Variants in DLG1 observed in about 807,000 individuals in gnomAD.
The protein encoded by DLG1 is disks large homolog 1.
In DLG1, 42 loss-of-function variants were observed where a neutral mutation model predicts 123.4. The ratio of observed to expected loss-of-function variants is 0.34; its 90% CI spans 0.27 to 0.44. The LOEUF (loss-of-function observed/expected upper bound fraction) is 0.44. DLG1 is among the 20% of genes least tolerant of loss of function. The pLI is 1.00. For synonymous variants in DLG1, 317 were observed against 356.2 expected, an observed-to-expected ratio of 0.89 and a Z score of 1.24; for missense variants, 942 against 1,082.6, an observed-to-expected ratio of 0.87 and a Z score of 1.82.
At chr3:197,255,606 T>C (rs1380002765) in intron 4 of DLG1, among the ~76,000 whole-genome samples, 3 of 151,986 alleles carry the variant, frequency 2.0e-5, no homozygotes, top group South Asian at 2.1e-4. Flanking sequence ...AACCAAAAAG[T>C]AGAAACAATT....
intron 24 of DLG1, among the ~76,000 whole-genome samples, chr3:197,045,671 G>C (rs1355272082): frequency 6.6e-6 from 1 of 152,132 alleles, no homozygotes; most frequent in Non-Finnish European, 1.5e-5. Flanking sequence ...TTGAGCCCAG[G>C]AGTTCACAAC....
chr3:197,150,287 C>T (rs1272425316), intron 5 of DLG1, among the ~76,000 whole-genome samples: 1 of 151,960 alleles, frequency 6.6e-6, no homozygotes, highest in Admixed American at 6.6e-5. Context: ...AAAACACACT[C>T]TTAATGTAAA....
intron 14 of DLG1, among the ~76,000 whole-genome samples, chr3:197,093,073 G>A (rs1254009548): frequency 2.6e-5 from 4 of 151,702 alleles, no homozygotes; most frequent in South Asian, 4.2e-4. Context: ...CCACAAACAC[G>A]CAAATACATT....
At chr3:197,139,242 T>C in intron 8 of DLG1, among the ~76,000 whole-genome samples, 1 of 152,248 alleles carries the variant, frequency 6.6e-6, no homozygotes, top group East Asian at 1.9e-4. Flanking sequence ...CAAAACATAA[T>C]TAAAATATTA....
chr3:197,054,500 C>A (rs1454326002), intron 23 of DLG1, among the ~76,000 whole-genome samples: 1 of 152,180 alleles, frequency 6.6e-6, no homozygotes, highest in Non-Finnish European at 1.5e-5. Flanking sequence ...ATTCTTTCTT[C>A]TGTCTGCTCA....
chr3:197,212,781 C>CT (rs368195370), intron 4 of DLG1, among the ~76,000 whole-genome samples: 1 of 152,184 alleles, frequency 6.6e-6, no homozygotes, highest in African/African-American at 2.4e-5. Flanking sequence ...TCCAACATAT[C>CT]TTTTTTTGTG....
intron 23 of DLG1, among the ~76,000 whole-genome samples, chr3:197,059,643 C>T (rs2148819370): frequency 6.6e-6 from 1 of 152,288 alleles, no homozygotes; most frequent in Non-Finnish European, 1.5e-5. Flanking sequence ...CCACTAGTCA[C>T]ACGTGGGGCT....
At chr3:197,237,264 A>G (rs1322268147) in intron 4 of DLG1, among the ~76,000 whole-genome samples, 1 of 152,224 alleles carries the variant, frequency 6.6e-6, no homozygotes, top group Non-Finnish European at 1.5e-5. Context: ...ACTAGCTAGG[A>G]ATGTAGAACC....
At chr3:197,213,789 A>C (rs1250249940) in intron 4 of DLG1, among the ~76,000 whole-genome samples, 1 of 152,234 alleles carries the variant, frequency 6.6e-6, no homozygotes, top group African/African-American at 2.4e-5. Flanking sequence ...CCAAGAAAAT[A>C]ATCTATAATA....
At chr3:197,065,490 A>C (rs764936208) in intron 21 of DLG1, 42 bp from the exon 22 acceptor site, 79 of 1,481,858 alleles carry the variant, frequency 5.3e-5, no homozygotes, top group Non-Finnish European at 6.8e-5. Context: ...AATATTAAAA[A>C]AAAAACCACA....
At chr3:197,187,721 T>C (rs1376660303) in intron 5 of DLG1, among the ~76,000 whole-genome samples, 1 of 152,208 alleles carries the variant, frequency 6.6e-6, no homozygotes, top group Non-Finnish European at 1.5e-5. Context: ...CTGAGGTTTT[T>C]ATTTGTTCGA....
At chr3:197,061,275 T>C (rs1735591009) in intron 22 of DLG1, among the ~76,000 whole-genome samples, 1 of 152,220 alleles carries the variant, frequency 6.6e-6, no homozygotes, top group East Asian at 1.9e-4. Context: ...GACATAAATA[T>C]TTTACATGAT....
intron 11 of DLG1, among the ~76,000 whole-genome samples, chr3:197,127,670 T>C (rs537928779): frequency 1.0e-3 from 156 of 151,318 alleles, no homozygotes; most frequent in African/African-American, 3.6e-3. Flanking sequence ...ATATTGTAAA[T>C]CAGTGTTTCT....
At chr3:197,169,415 C>G (rs929605229) in intron 5 of DLG1, among the ~76,000 whole-genome samples, 2 of 152,080 alleles carry the variant, frequency 1.3e-5, no homozygotes, top group African/African-American at 4.8e-5. Context: ...TATGAGCAGT[C>G]AAATCAAGAC....
chr3:197,226,262 TG>T (rs1429872020), intron 4 of DLG1: 1 of 152,200 alleles, frequency 6.6e-6, no homozygotes, highest in Non-Finnish European at 1.5e-5. Flanking sequence ...GTCAGGGCCT[TG>T]CTAATATCCT....
At chr3:197,072,695 C>CA (rs1157870065) in intron 18 of DLG1, among the ~76,000 whole-genome samples, 10 of 140,848 alleles carry the variant, frequency 7.1e-5, no homozygotes, top group East Asian at 4.1e-4. Flanking sequence ...AAAAAAAAAA[C>CA]AAAAAAACAA....
chr3:197,099,184 G>C (rs1012923666), intron 14 of DLG1, among the ~76,000 whole-genome samples: 1 of 152,122 alleles, frequency 6.6e-6, no homozygotes, highest in Admixed American at 6.5e-5. Context: ...TCCTACCTTA[G>C]CCTCTCAAGT....
At chr3:197,156,713 T>TA (rs1226420102) in intron 5 of DLG1, among the ~76,000 whole-genome samples, 1 of 152,150 alleles carries the variant, frequency 6.6e-6, no homozygotes, top group Non-Finnish European at 1.5e-5. Flanking sequence ...ACAACAAAGG[T>TA]ATTATACATT....
chr3:197,296,020 C>T (rs1560203520), intron 3 of DLG1, among the ~76,000 whole-genome samples: 1 of 152,190 alleles, frequency 6.6e-6, no homozygotes, highest in Non-Finnish European at 1.5e-5. Flanking sequence ...CAGAGACATG[C>T]CAGTCAAATA....
Sources: gnomAD v4.1 joint callset for allele counts (sites outside exome capture counted in the v4.1 genomes callset) on GRCh38, gnomAD v4.1.1 for gene constraint, MANE v1.5 for transcripts, NCBI Gene and HGNC (gene_info 2026-07-23, HGNC 2026-07-21) for gene names.